The following SGK3 variants were observed in gnomAD, a reference collection of about 807,000 sequenced individuals.
The protein encoded by SGK3 is serum/glucocorticoid regulated kinase family member 3.
In SGK3, 47 loss-of-function variants were observed where a neutral mutation model predicts 68.5. That is an observed-to-expected ratio of 0.69 (90% CI 0.54 to 0.87). The LOEUF is 0.87. SGK3 is among the 40% of genes least tolerant of loss of function. SGK3 has a pLI of 0.00. For missense variants in SGK3, 479 were observed against 575.5 expected (o/e 0.83, Z 1.72); for synonymous variants, 181 against 189.1 (o/e 0.96, Z 0.35).
chr8:66,763,329 G>A (rs1241340732), intron 1 of SGK3, among the ~76,000 whole-genome samples: 3 of 152,108 alleles, frequency 2.0e-5, no homozygotes, highest in Non-Finnish European at 2.9e-5. Context: ...ATTCATAATG[G>A]TGATTCTTTT....
At chr8:66,750,440 G>C (rs532545084) in intron 1 of SGK3, among the ~76,000 whole-genome samples, 1 of 152,144 alleles carries the variant, frequency 6.6e-6, no homozygotes, top group East Asian at 1.9e-4. Context: ...TGCCCTCAAA[G>C]AATGTAGAGT....
At chr8:66,834,370 G>T (rs927107886) in intron 8 of SGK3, among the ~76,000 whole-genome samples, 2 of 152,222 alleles carry the variant, frequency 1.3e-5, no homozygotes. Context: ...TGTGTTATTT[G>T]AAGTTGACAT....
intron 16 of SGK3, among the ~76,000 whole-genome samples, chr8:66,853,277 A>C (rs971720472): frequency 3.3e-5 from 5 of 152,342 alleles, no homozygotes; most frequent in Non-Finnish European, 7.4e-5. Context: ...AGAAGAGTTA[A>C]ATAATTCTAT....
At chr8:66,773,356 G>A (rs1806578983) in intron 1 of SGK3, among the ~76,000 whole-genome samples, 1 of 152,060 alleles carries the variant, frequency 6.6e-6, no homozygotes, top group African/African-American at 2.4e-5. Context: ...GGACTGAGAG[G>A]GAAGAGTCAA....
At chr8:66,819,654 G>A (rs934293677) in intron 5 of SGK3, among the ~76,000 whole-genome samples, 1 of 152,092 alleles carries the variant, frequency 6.6e-6, no homozygotes, top group Non-Finnish European at 1.5e-5. Context: ...AATAAAATAT[G>A]CCAAAATGTT....
At chr8:66,769,880 T>C (rs1002357852) in intron 1 of SGK3, among the ~76,000 whole-genome samples, 8 of 151,070 alleles carry the variant, frequency 5.3e-5, no homozygotes, top group Non-Finnish European at 1.2e-4. Flanking sequence ...ACATTACCAT[T>C]ATAATAACTG....
intron 1 of SGK3, among the ~76,000 whole-genome samples, chr8:66,785,474 C>T (rs982361156): frequency 1.3e-5 from 2 of 152,196 alleles, no homozygotes; most frequent in Non-Finnish European, 2.9e-5. Context: ...GCCCTGTTGA[C>T]GTTTTGGGTC....
At chr8:66,770,783 G>A (rs1171101844) in intron 1 of SGK3, among the ~76,000 whole-genome samples, 1 of 152,056 alleles carries the variant, frequency 6.6e-6, no homozygotes, top group African/African-American at 2.4e-5. Flanking sequence ...AGGTCTCTAG[G>A]GTTCTCTGTG....
At chr8:66,851,000 G>C in intron 16 of SGK3, 80 bp downstream of exon 16, 1 of 1,390,724 alleles carries the variant, frequency 7.2e-7, no homozygotes, top group Non-Finnish European at 9.8e-7. Flanking sequence ...CTAGATCTCA[G>C]AATCACCTGA....
intron 10 of SGK3, among the ~76,000 whole-genome samples, chr8:66,839,559 T>TGTATA (rs1563654706): frequency 1.4e-5 from 1 of 70,332 alleles, no homozygotes; most frequent in African/African-American, 7.2e-5. Flanking sequence ...ATATATATAT[T>TGTATA]TTCATATGGG....
chr8:66,814,806 C>T (rs1237895556), intron 5 of SGK3, among the ~76,000 whole-genome samples: 1 of 152,182 alleles, frequency 6.6e-6, no homozygotes, highest in African/African-American at 2.4e-5. Flanking sequence ...ATCAGAAATA[C>T]CTACAAAAAC....
At chr8:66,767,425 G>C in intron 1 of SGK3, 1 of 1,341,586 alleles carries the variant, frequency 7.5e-7, no homozygotes, top group Non-Finnish European at 1.1e-6. Context: ...GCAAACAGGT[G>C]GCAATTCAAC....
In SGK3 at chr8:66,859,796, C is replaced by A; in HGVS notation, c.*215C>A. 2.1e-6 allele frequency: 1 copy of A among 478,828 alleles called. No individual in the cohort carries two copies. Among genetic ancestry groups the A allele is most frequent in the Non-Finnish European group, 3.3e-6 (1 of 300,476 alleles). The allele number at this position is 478,828 out of a possible 1,614,324, so 29.7% of individuals were successfully genotyped here. On this transcript the variant is annotated 3_prime_UTR_variant, in exon 17 of 17. Coordinates refer to ENST00000521198, the MANE Select transcript of SGK3 (RefSeq NM_001033578.3). The stretch of plus-strand genomic sequence containing the variant: ...AAAATTTATATTCTTGTTTAATAAG[C>A]TTATTTTTAAACAATTTAAAAGCTA...
intron 5 of SGK3, among the ~76,000 whole-genome samples, chr8:66,816,392 C>G (rs1808585174): frequency 7.1e-6 from 1 of 139,896 alleles, no homozygotes; most frequent in Admixed American, 7.8e-5. Context: ...GTAGCCCAGG[C>G]TGGAGTGCAG....
intron 1 of SGK3, chr8:66,767,516 G>A: frequency 3.3e-6 from 5 of 1,512,534 alleles, no homozygotes; most frequent in Non-Finnish European, 4.6e-6. Context: ...AAAGGTGAAG[G>A]GGGGCCCAGC....
chr8:66,840,931 G>A, intron 12 of SGK3, 93 bp from the exon 13 acceptor site: 1 of 862,426 alleles, frequency 1.2e-6, no homozygotes, highest in Non-Finnish European at 1.7e-6. Context: ...AACAGAGTAA[G>A]ACTCTGTTTC....
chr8:66,754,672 T>C (rs1417609207), intron 1 of SGK3, among the ~76,000 whole-genome samples: 2 of 152,262 alleles, frequency 1.3e-5, no homozygotes, highest in African/African-American at 2.4e-5. Flanking sequence ...ATTCTGTACA[T>C]GGAACAAAAT....
At chr8:66,793,119 C>T (rs1451776173) in intron 1 of SGK3, among the ~76,000 whole-genome samples, 5 of 152,200 alleles carry the variant, frequency 3.3e-5, no homozygotes, top group African/African-American at 1.2e-4. Flanking sequence ...TATAATGCAG[C>T]ATAGTACAGT....
At chr8:66,785,025 T>A (rs886198934) in intron 1 of SGK3, among the ~76,000 whole-genome samples, 1 of 152,168 alleles carries the variant, frequency 6.6e-6, no homozygotes, top group Non-Finnish European at 1.5e-5. Context: ...GATGTTTACA[T>A]GTGATGTTTT....
Sources: allele counts gnomAD v4.1 joint callset (sites outside exome capture counted in the v4.1 genomes callset), GRCh38; gene constraint gnomAD v4.1.1; transcripts MANE v1.5; gene names NCBI Gene and HGNC (gene_info 2026-07-23, HGNC 2026-07-21).